The following LHFPL2 variants were observed in gnomAD, a reference collection of about 807,000 sequenced individuals.
The protein encoded by LHFPL2 is LHFPL tetraspan subfamily member 2 protein.
In LHFPL2, 7 loss-of-function variants were observed where a neutral mutation model predicts 17.5. The ratio of observed to expected loss-of-function variants is 0.40; its 90% CI spans 0.23 to 0.75. LHFPL2 has a LOEUF of 0.75. Ranked by LOEUF, LHFPL2 falls within the 30% of genes least tolerant of loss-of-function variation. The pLI, the probability that LHFPL2 is intolerant of heterozygous loss-of-function variation, is 0.37. For synonymous variants in LHFPL2, 134 were observed against 116.2 expected, an observed-to-expected ratio of 1.15 and a Z score of -0.99; for missense variants, 241 against 294.8, an observed-to-expected ratio of 0.82 and a Z score of 1.34.
intron 2 of LHFPL2, among the ~76,000 whole-genome samples, chr5:78,623,940 C>G (rs753487599): frequency 1.3e-5 from 2 of 152,210 alleles, no homozygotes; most frequent in Non-Finnish European, 2.9e-5. Flanking sequence ...AAACACCAGA[C>G]TATAAGGACA....
intron 4 of LHFPL2, among the ~76,000 whole-genome samples, chr5:78,496,314 G>C (rs1437583865): frequency 6.6e-6 from 1 of 152,126 alleles, no homozygotes; most frequent in African/African-American, 2.4e-5. Context: ...TTGCAACTTT[G>C]CCTTAACATT....
At chr5:78,575,342 A>G (rs1757102270) in intron 2 of LHFPL2, among the ~76,000 whole-genome samples, 1 of 152,144 alleles carries the variant, frequency 6.6e-6, no homozygotes, top group African/African-American at 2.4e-5. Context: ...AGGTCAGGAG[A>G]TCGAGACCAT....
intron 1 of LHFPL2, among the ~76,000 whole-genome samples, chr5:78,636,404 G>C (rs952609671): frequency 1.1e-4 from 16 of 152,166 alleles, no homozygotes; most frequent in Admixed American, 6.5e-4. Flanking sequence ...TCTATATCCA[G>C]CTGATCCCCC....
chr5:78,503,587 A>C (rs1399535323), intron 4 of LHFPL2, among the ~76,000 whole-genome samples: 2 of 152,146 alleles, frequency 1.3e-5, no homozygotes, highest in African/African-American at 2.4e-5. Flanking sequence ...AATCCCAGCT[A>C]CTCAGGAGGC....
Position 78,609,569 on chromosome 5 carries a change from A to G in LHFPL2, c.-245+22695T>C, listed in dbSNP as rs1744346322. ...TGAGGTGTCTCTAAACTCATGCCAC[A>G]TAAAGACTACCACAATCCATTGTGA... On this transcript the variant is annotated intron_variant, in intron 2 of 4. Transcript: ENST00000380345. 2.0e-5 allele frequency among the ~76,000 whole-genome samples: 3 copies of G among 152,060 alleles called. No homozygotes were observed. The South Asian group carries it at 6.2e-4, about 31-fold the overall frequency.
At chr5:78,544,752 T>TACACACAC (rs34278546) in intron 3 of LHFPL2, among the ~76,000 whole-genome samples, 325 of 149,112 alleles carry the variant, frequency 2.2e-3, no homozygotes, top group African/African-American at 7.4e-3. Context: ...GCCATCTTCT[T>TACACACAC]ACACACACAC....
chr5:78,501,584 G>A (rs1754775438), intron 4 of LHFPL2, among the ~76,000 whole-genome samples: 1 of 152,178 alleles, frequency 6.6e-6, no homozygotes, highest in Non-Finnish European at 1.5e-5. Context: ...TAGAAGAGAT[G>A]AGGTCTCACT....
Position 78,487,694 on chromosome 5 carries a change from A to G in LHFPL2, c.*1203T>C, listed in dbSNP as rs183209307. ...GTGGTATTTGATTCTTTTTGTAAAC[A>G]GGTGTAGGCAGTGCTGTGACCTTGA... On this transcript the variant is annotated 3_prime_UTR_variant, in exon 5 of 5. Transcript: ENST00000380345. 6.6e-6 allele frequency: 1 copy of G among 152,318 alleles called. No homozygotes were observed. Among genetic ancestry groups the G allele is most frequent in the East Asian group, 1.9e-4 (1 of 5,182 alleles). The allele number at this position is 152,318 out of a possible 1,614,324, so 9.4% of individuals were successfully genotyped here. A position where few individuals can be genotyped will look rare whatever the true frequency, so the allele number is the denominator to read the frequency against.
intron 2 of LHFPL2, among the ~76,000 whole-genome samples, chr5:78,596,681 C>T (rs955097252): frequency 1.3e-5 from 2 of 152,122 alleles, no homozygotes; most frequent in Admixed American, 1.3e-4. Flanking sequence ...AGTCAGGACA[C>T]CTCCCCGCCA....
Position 78,564,821 on chromosome 5 carries a change from A to C in LHFPL2, c.-194T>G, listed in dbSNP as rs1393824223. The C allele has an allele frequency of 6.6e-6, 1 of 152,224 alleles. No individual in the cohort carries two copies. The highest frequency in any genetic ancestry group is 1.5e-5 in the Non-Finnish European group (1 of 68,042). 9.4% of individuals were successfully genotyped at this position (152,224 alleles called of 1,614,324 possible). On this transcript the variant is annotated 5_prime_UTR_variant, in exon 3 of 5. Transcript: ENST00000380345. ...TGATTTCATTTACTTACCTATTTAT[A>C]TCTGTAGGAATGCTGGGAAGTCTTA...
intron 2 of LHFPL2, among the ~76,000 whole-genome samples, chr5:78,584,322 G>C (rs1743280772): frequency 6.6e-6 from 1 of 152,240 alleles, no homozygotes; most frequent in Non-Finnish European, 1.5e-5. Context: ...TCCGTTGCTG[G>C]TGAGGAACTG....
intron 1 of LHFPL2, among the ~76,000 whole-genome samples, chr5:78,640,962 CA>C (rs1218043604): frequency 6.6e-6 from 1 of 152,060 alleles, no homozygotes; most frequent in Non-Finnish European, 1.5e-5. Context: ...TTGGTAACCT[CA>C]AAAAAGAAGG....
intron 2 of LHFPL2, among the ~76,000 whole-genome samples, chr5:78,631,710 C>A (rs751152837): frequency 6.6e-6 from 1 of 152,096 alleles, no homozygotes; most frequent in Non-Finnish European, 1.5e-5. Flanking sequence ...CCAACGCAGG[C>A]GGATCACTTG....
intron 2 of LHFPL2, among the ~76,000 whole-genome samples, chr5:78,599,333 C>T (rs979835752): frequency 1.3e-5 from 2 of 152,058 alleles, no homozygotes; most frequent in Non-Finnish European, 2.9e-5. Flanking sequence ...GAGTTTTGCT[C>T]TTGTTGCCCA....
intron 2 of LHFPL2, among the ~76,000 whole-genome samples, chr5:78,600,580 T>G (rs577801353): frequency 3.2e-4 from 48 of 152,000 alleles, no homozygotes; most frequent in African/African-American, 1.2e-3. Flanking sequence ...AATACAAAAT[T>G]AGCCAGGCAT....
intron 2 of LHFPL2, among the ~76,000 whole-genome samples, chr5:78,621,822 C>T (rs571847245): frequency 3.0e-4 from 46 of 152,260 alleles, no homozygotes; most frequent in African/African-American, 1.1e-3. Context: ...GCTATTCTCT[C>T]AGGACAAACA....
At chr5:78,638,080 C>A (rs964967984) in intron 1 of LHFPL2, among the ~76,000 whole-genome samples, 1 of 152,146 alleles carries the variant, frequency 6.6e-6, no homozygotes, top group Non-Finnish European at 1.5e-5. Context: ...AAGGGCCGGG[C>A]GTGGTGGCTT....
chr5:78,489,447 C>T (rs1424751201), intron 4 of LHFPL2, among the ~76,000 whole-genome samples: 2 of 152,116 alleles, frequency 1.3e-5, no homozygotes, highest in Non-Finnish European at 2.9e-5. Context: ...AATCTGTTGC[C>T]CAGGCAGGAG....
At position 78,595,191 on chromosome 5, in the gene LHFPL2, C is replaced by T. The variant is rs544925188; in HGVS notation, c.-244-30320G>A. ...AAGCCATGTGCAGACATCCCGCCTCCAGTCAGGACGTGGGGATTCTCCTTC... is the reference window on the plus strand; with the variant it reads ...AAGCCATGTGCAGACATCCCGCCTCTAGTCAGGACGTGGGGATTCTCCTTC... On this transcript the variant is annotated intron_variant, in intron 2 of 4. Transcript: ENST00000380345. Among the ~76,000 whole-genome samples the T allele has an allele frequency of 2.0e-5, 3 of 152,332 alleles. No individual in the cohort carries two copies. The East Asian group carries it at 5.8e-4, about 29-fold the overall frequency.
Sources: gnomAD v4.1 joint callset for allele counts (sites outside exome capture counted in the v4.1 genomes callset) on GRCh38, gnomAD v4.1.1 for gene constraint, MANE v1.5 for transcripts, NCBI Gene and HGNC (gene_info 2026-07-23, HGNC 2026-07-21) for gene names.